The following KMT5B variants were observed in gnomAD, a reference collection of about 807,000 sequenced individuals.
The protein encoded by KMT5B is histone-lysine N-methyltransferase KMT5B.
Under a neutral mutation model 83.2 loss-of-function variants are expected in KMT5B, and 10 were observed. That is an observed-to-expected ratio of 0.12 (90% confidence interval 0.07 to 0.20). KMT5B has a LOEUF of 0.20. Ranked by LOEUF, KMT5B falls within the 10% of genes least tolerant of loss-of-function variation. KMT5B has a pLI of 1.00. For missense variants in KMT5B, 753 were observed against 1,067.2 expected, an observed-to-expected ratio of 0.71 and a Z score of 4.10; for synonymous variants, 349 against 388.8, an observed-to-expected ratio of 0.90 and a Z score of 1.20.
At position 68,159,161 on chromosome 11, in the gene KMT5B, T is replaced by C; in HGVS notation, c.1185A>G (p.Arg395=). 1 of 1,569,922 alleles carries C rather than the reference T, an allele frequency of 6.4e-7. No homozygotes were observed. The highest frequency in any genetic ancestry group is 8.6e-7 in the Non-Finnish European group (1 of 1,166,214). ...TQEKNNATSN[R]KSSVGVKKNS... ...TCTTTTTTACGCCAACTGAAGATTT[T>C]CGGTTAGAAGCTGTAAGGTTAAAGA... The change falls in exon 11 of 11, where the codon CGA becomes CGG. Residue 395 remains arginine, a synonymous_variant. Coordinates refer to ENST00000304363, the MANE Select transcript of KMT5B (RefSeq NM_017635.5).
intron 4 of KMT5B, among the ~76,000 whole-genome samples, chr11:68,178,216 T>C (rs769801938): frequency 2.6e-4 from 40 of 152,228 alleles, no homozygotes; most frequent in African/African-American, 9.2e-4. Context: ...TATACAAAAG[T>C]AAGTTATAGA....
In KMT5B at chr11:68,188,405, T is replaced by G. The variant is rs1189740427; in HGVS notation, c.160+1512A>C. Among the ~76,000 whole-genome samples, 5 of 151,132 alleles carry G rather than the reference T, an allele frequency of 3.3e-5. No homozygotes were observed. The East Asian group carries it at 9.8e-4, about 30-fold the overall frequency. ...TTTTGCCCATGCTGGAGTGCAGTGG[T>G]GTGATCTCGGCTCACTGCAACCTCT... is the stretch of plus-strand genomic sequence containing the variant. On this transcript the variant is annotated intron_variant, in intron 2 of 10. Transcript: ENST00000304363.
Position 68,171,236 on chromosome 11 carries a change from C to A in KMT5B, c.836G>T (p.Cys279Phe). ...GAAAATTTTTTTAATGCTTACCTTA[C>A]AATTAGGTCTGCAATCTGAAAAATG... ...AFINHDCRPN[C>F]KFVSTGRDTA... Residue 279 changes from cysteine to phenylalanine, a missense_variant, in exon 8 of 11, where the codon TGT becomes TTT. Cys to Phe is a radical substitution (Grantham distance 205). Coordinates refer to ENST00000304363, the MANE Select transcript of KMT5B (RefSeq NM_017635.5). This position sits in a 1 kb window ranked among gnomAD's most constrained non-coding sequence, Gnocchi z 5.1. The A allele has an allele frequency of 6.2e-7, 1 of 1,608,406 alleles. No homozygotes were observed. The highest frequency in any genetic ancestry group is 8.5e-7 in the Non-Finnish European group (1 of 1,178,704).
intron 10 of KMT5B, among the ~76,000 whole-genome samples, 194 bp from the exon 11 acceptor site, chr11:68,159,365 G>T (rs1470066685): frequency 1.3e-5 from 2 of 152,078 alleles, no homozygotes; most frequent in Non-Finnish European, 2.9e-5. Flanking sequence ...TCTAATTTAT[G>T]GGGCATCTAT....
intron 10 of KMT5B, chr11:68,164,666 T>C: frequency 1.9e-6 from 1 of 514,824 alleles, no homozygotes; most frequent in Non-Finnish European, 3.9e-6. Context: ...ATCCTTGGAT[T>C]GCTCCAATCA....
intron 10 of KMT5B, chr11:68,165,927 C>G: frequency 6.2e-7 from 1 of 1,612,910 alleles, no homozygotes; most frequent in Non-Finnish European, 8.5e-7. Context: ...TGGGAAACAC[C>G]TTCCCTTTTC....
At chr11:68,166,619 G>A (rs1855343698) in intron 10 of KMT5B, 16 of 1,039,864 alleles carry the variant, frequency 1.5e-5, no homozygotes, top group Non-Finnish European at 1.9e-5. Context: ...GGAATGTATA[G>A]AGTCTAATTT....
rs1429884390 is a variant in KMT5B at position 68,175,158 on chromosome 11, C to T, written c.403G>A (p.Glu135Lys). 1 of 1,613,370 alleles carries T rather than the reference C, an allele frequency of 6.2e-7. No homozygotes were observed. The highest frequency in any genetic ancestry group is 2.2e-5 in the East Asian group (1 of 44,868). The change falls in exon 5 of 11, where the codon GAA becomes AAA. Residue 135 changes from glutamate (E) to lysine (K), a missense_variant. Physicochemically the swap from Glu to Lys is moderately conservative, Grantham distance 56. Coordinates refer to ENST00000304363, the MANE Select transcript of KMT5B (RefSeq NM_017635.5). Reference protein sequence around the residue: ...VRFRPIKGRQEELKEVIERFK... With the variant: ...VRFRPIKGRQKELKEVIERFK... ...CGTTCAATTACTTCCTTTAGTTCTT[C>T]CTGCCTTCCTTTAATAGGCCTAAAT...
chr11:68,174,059 A>C (rs1856103770), intron 5 of KMT5B, 146 bp from the exon 6 acceptor site: 1 of 686,462 alleles, frequency 1.5e-6, no homozygotes, highest in African/African-American at 1.8e-5. Flanking sequence ...TCTCTACGAA[A>C]AACATTAGCC....
chr11:68,157,331 TAA>T lies in KMT5B; in HGVS notation c.*355_*356del, dbSNP rs1367143771. 3 of 172,604 alleles carry T rather than the reference TAA, an allele frequency of 1.7e-5. No individual in the cohort carries two copies. The highest frequency in any genetic ancestry group is 3.7e-5 in the Non-Finnish European group (3 of 82,084). 10.7% of individuals were successfully genotyped at this position (172,604 alleles called of 1,614,324 possible). A position where few individuals can be genotyped will look rare whatever the true frequency, so the allele number is the denominator to read the frequency against. ...TTTAAATTATTGTTTAGTCATATAT[TAA>T]AGAGCCAGCTGATGCTCTTACAGTT... On this transcript the variant is annotated 3_prime_UTR_variant, in exon 11 of 11. Coordinates refer to ENST00000304363, the MANE Select transcript of KMT5B (RefSeq NM_017635.5).
Position 68,157,494 on chromosome 11 carries a change from T to C in KMT5B, c.*194A>G. On this transcript the variant is annotated 3_prime_UTR_variant, in exon 11 of 11. Coordinates refer to ENST00000304363, the MANE Select transcript of KMT5B (RefSeq NM_017635.5). ...CAGAATTGCACGTAAGAAGGCTATT[T>C]AAAAAGTACGATAAAAATTTGCACA... The C allele has an allele frequency of 1.2e-6, 1 of 811,840 alleles. No homozygotes were observed. Among genetic ancestry groups the C allele is most frequent in the Non-Finnish European group, 1.7e-6 (1 of 596,216 alleles). The allele number at this position is 811,840 out of a possible 1,614,324, so 50.3% of individuals were successfully genotyped here.
At chr11:68,159,401 G>A (rs202246446) in intron 10 of KMT5B, among the ~76,000 whole-genome samples, 3 of 152,120 alleles carry the variant, frequency 2.0e-5, no homozygotes, top group South Asian at 2.1e-4. Flanking sequence ...GTAGTTGCAC[G>A]GTTAAGGAGC....
In KMT5B at chr11:68,158,624, G is replaced by A; in HGVS notation, c.1722C>T (p.Asp574=). The change falls in exon 11 of 11, where the codon GAC becomes GAT. Residue 574 remains aspartate (D), a synonymous_variant. Coordinates refer to ENST00000304363, the MANE Select transcript of KMT5B (RefSeq NM_017635.5). ...GAGCTGGCTGCAGCTGTTCACCACT[G>A]TCGGGGCAAGGTTCCGTCACACTGC... is the stretch of plus-strand genomic sequence containing the variant. ...YKSSVTEPCP[D]SGEQLQPAPV... is the part of the protein sequence containing the mutation. The A allele has an allele frequency of 6.2e-7, 1 of 1,614,056 alleles. No individual in the cohort carries two copies.
chr11:68,190,456 G>A (rs1857911273), intron 1 of KMT5B, among the ~76,000 whole-genome samples: 1 of 152,062 alleles, frequency 6.6e-6, no homozygotes, highest in Non-Finnish European at 1.5e-5. Context: ...CCCCAGGCAG[G>A]TTATTCAAGA....
intron 9 of KMT5B, among the ~76,000 whole-genome samples, chr11:68,169,786 A>T (rs1855668671): frequency 6.6e-6 from 1 of 152,374 alleles, no homozygotes; most frequent in South Asian, 2.1e-4. Context: ...AATGATTTTG[A>T]AGAATTATTG....
rs994715405 is a variant in KMT5B, at chr11:68,175,242, A to G, written c.378-59T>C. ...GCCACAATCCTTGCGCCACTGATCC[A>G]TCTTAACAGATCTTGAGAAAGAGCT... is the stretch of plus-strand genomic sequence containing the variant. On this transcript the variant is annotated intron_variant, in intron 4 of 10. Coordinates refer to ENST00000304363, the MANE Select transcript of KMT5B (RefSeq NM_017635.5). The G allele has an allele frequency of 1.1e-5, 15 of 1,346,952 alleles. No homozygotes were observed. In the African/African-American group the frequency reaches 1.6e-4, roughly 14 times the overall value. The allele number at this position is 1,346,952 out of a possible 1,614,324, so 83.4% of individuals were successfully genotyped here.
Position 68,171,817 on chromosome 11 carries a change from C to G in KMT5B, c.654-108G>C. 1.1e-6 allele frequency: 1 copy of G among 918,620 alleles called. No individual in the cohort carries two copies. Among genetic ancestry groups the G allele is most frequent in the Non-Finnish European group, 1.6e-6 (1 of 615,680 alleles). 56.9% of individuals were successfully genotyped at this position (918,620 alleles called of 1,614,324 possible). On this transcript the variant is annotated intron_variant, in intron 6 of 10. Transcript: ENST00000304363. The surrounding 1 kb of genome is among the most constrained non-coding windows in gnomAD (Gnocchi z 5.1). ...AATATCAGAAACTGAAAAGGCCTAG[C>G]TGTCTATACTTTAGTTAGCTCACTG...
chr11:68,176,652 G>A (rs907983205), intron 4 of KMT5B: 3 of 152,074 alleles, frequency 2.0e-5, no homozygotes, highest in Admixed American at 6.6e-5. Flanking sequence ...CCACGTAGTG[G>A]TACACGCCTG....
In KMT5B at chr11:68,190,086, C is replaced by A; in HGVS notation, c.-10G>T. ...CTCCCAACCACTTCATACCCACAGA[C>A]AGCCTGACCCAGGTGCATTTAGTCA... On this transcript the variant is annotated 5_prime_UTR_variant, in exon 2 of 11. Transcript: ENST00000304363. 6.2e-7 allele frequency: 1 copy of A among 1,612,360 alleles called. No homozygotes were observed. Among genetic ancestry groups the A allele is most frequent in the South Asian group, 1.1e-5 (1 of 90,868 alleles).
Sources: allele counts gnomAD v4.1 joint callset (sites outside exome capture counted in the v4.1 genomes callset), GRCh38; gene constraint gnomAD v4.1.1; non-coding constraint Gnocchi (gnomAD v3.1); transcripts MANE v1.5; gene names NCBI Gene and HGNC (gene_info 2026-07-23, HGNC 2026-07-21).